The following COBL variants were observed in gnomAD, a reference collection of about 807,000 sequenced individuals.
COBL encodes protein cordon-bleu.
COBL carries 51 observed loss-of-function variants against 98.8 expected under a neutral mutation model. The observed-to-expected ratio is 0.52, with a 90% confidence interval of 0.41 to 0.65. The LOEUF is 0.65. COBL is among the 30% of genes least tolerant of loss of function. The probability of loss-of-function intolerance (pLI) is 0.00; values close to 1 mark genes in which losing one functional copy is unlikely to be tolerated. For missense variants in COBL, 1,617 were observed against 1,617.5 expected (o/e 1.00, Z 0.01); for synonymous variants, 634 against 651.7 (o/e 0.97, Z 0.41).
intron 5 of COBL, among the ~76,000 whole-genome samples, chr7:51,136,733 A>G (rs1323879354): frequency 6.6e-6 from 1 of 152,216 alleles, no homozygotes; most frequent in Non-Finnish European, 1.5e-5. Flanking sequence ...ATACATCTTC[A>G]TGAGGAAGAC....
chr7:51,083,127 C>CTG, intron 7 of COBL: 1 of 1,123,380 alleles, frequency 8.9e-7, no homozygotes, highest in Non-Finnish European at 1.2e-6. Flanking sequence ...TCCACCACGT[C>CTG]TGTGTCGGGA....
intron 1 of COBL, among the ~76,000 whole-genome samples, chr7:51,293,217 C>T (rs1331707747): frequency 6.6e-6 from 1 of 152,214 alleles, no homozygotes; most frequent in Non-Finnish European, 1.5e-5. Context: ...AAACATGAAA[C>T]ATAACATCTA....
intron 7 of COBL, among the ~76,000 whole-genome samples, chr7:51,082,350 C>T (rs923371693): frequency 2.0e-5 from 3 of 152,116 alleles, no homozygotes; most frequent in African/African-American, 7.2e-5. Flanking sequence ...GCAGGCCCGA[C>T]GTGCCCATAA....
At chr7:51,209,329 T>A (rs1316198220) in intron 2 of COBL, among the ~76,000 whole-genome samples, 1 of 152,038 alleles carries the variant, frequency 6.6e-6, no homozygotes, top group Admixed American at 6.6e-5. Context: ...CAGGAAGTGA[T>A]TAAGGAAGAG....
intron 5 of COBL, among the ~76,000 whole-genome samples, chr7:51,179,361 T>A (rs1788711502): frequency 6.6e-6 from 1 of 151,932 alleles, no homozygotes; most frequent in South Asian, 2.1e-4. Flanking sequence ...TTTAGTATTT[T>A]GTATTTTTGT....
chr7:51,035,416 C>A (rs1273259269), intron 8 of COBL: 1 of 151,280 alleles, frequency 6.6e-6, no homozygotes, highest in Non-Finnish European at 1.5e-5. Flanking sequence ...GGTAGCAATC[C>A]AATTTGCTAA....
intron 5 of COBL, among the ~76,000 whole-genome samples, chr7:51,166,784 G>A (rs1428683716): frequency 1.3e-5 from 2 of 152,144 alleles, no homozygotes; most frequent in Admixed American, 6.5e-5. Flanking sequence ...CCCTGGGGAT[G>A]CAAGGATAGT....
chr7:51,213,649 T>C (rs2129080258), intron 2 of COBL, among the ~76,000 whole-genome samples: 1 of 151,962 alleles, frequency 6.6e-6, no homozygotes, highest in East Asian at 1.9e-4. Flanking sequence ...GAGGCTGAGG[T>C]CTCTGTAAGG....
At chr7:51,194,130 G>C (rs1584125377) in intron 2 of COBL, among the ~76,000 whole-genome samples, 2 of 152,166 alleles carry the variant, frequency 1.3e-5, no homozygotes, top group Non-Finnish European at 2.9e-5. Context: ...AGAGACTCCA[G>C]TGTTTGTTGT....
At chr7:51,248,519 C>T (rs539744796) in intron 1 of COBL, among the ~76,000 whole-genome samples, 6 of 152,036 alleles carry the variant, frequency 3.9e-5, no homozygotes, top group Admixed American at 1.3e-4. Flanking sequence ...TGGTACAAGA[C>T]GGAGGATAGG....
intron 12 of COBL, among the ~76,000 whole-genome samples, chr7:51,023,746 C>T (rs778573835): frequency 6.6e-6 from 1 of 152,214 alleles, no homozygotes; most frequent in South Asian, 2.1e-4. Context: ...CTCCCTTCTC[C>T]ATTGTGCCAG....
chr7:51,314,513 C>T (rs533527204), intron 1 of COBL, among the ~76,000 whole-genome samples: 18 of 152,272 alleles, frequency 1.2e-4, no homozygotes, highest in African/African-American at 4.1e-4. Context: ...AATTAGCAAG[C>T]ATACACCTAA....
chr7:51,147,986 T>C (rs1785195820), intron 5 of COBL, among the ~76,000 whole-genome samples: 1 of 152,066 alleles, frequency 6.6e-6, no homozygotes, highest in African/African-American at 2.4e-5. Flanking sequence ...ATGGTCACGA[T>C]CTCCGGATCT....
rs115324725 is a variant in COBL, at chr7:51,248,414, C to T, written c.42-28470G>A. On this transcript the variant is annotated intron_variant, in intron 1 of 12. Coordinates refer to ENST00000265136, the MANE Select transcript of COBL (RefSeq NM_015198.5). ...GTTCCTCAAGGAGACACCAGCAAGACACTTCAGAAGACCCCAGGAACCACA... is the reference window on the plus strand; with the variant it reads ...GTTCCTCAAGGAGACACCAGCAAGATACTTCAGAAGACCCCAGGAACCACA... Among the ~76,000 whole-genome samples, 420 of 152,268 alleles carry T rather than the reference C, an allele frequency of 2.8e-3. 4 individuals are homozygous for T. The highest frequency in any genetic ancestry group is 9.0e-3 in the African/African-American group (374 of 41,538).
intron 6 of COBL, among the ~76,000 whole-genome samples, chr7:51,092,963 T>C (rs1030911306): frequency 1.3e-5 from 2 of 152,116 alleles, no homozygotes; most frequent in Non-Finnish European, 2.9e-5. Flanking sequence ...GCATGCTATA[T>C]AGTTTTCAGT....
intron 1 of COBL, among the ~76,000 whole-genome samples, chr7:51,282,567 TACA>T (rs773435359): frequency 1.3e-5 from 2 of 152,162 alleles, no homozygotes; most frequent in Admixed American, 6.5e-5. Context: ...TTGAAATAGA[TACA>T]ACAACAATGA....
At chr7:51,193,646 C>A in intron 2 of COBL, 57 bp from the exon 3 acceptor site, 1 of 1,509,414 alleles carries the variant, frequency 6.6e-7, no homozygotes, top group Admixed American at 1.8e-5. Context: ...TCTCTTTTGC[C>A]TGGCTAAATA....
chr7:51,256,965 T>C (rs1797250301), intron 1 of COBL, among the ~76,000 whole-genome samples: 2 of 152,176 alleles, frequency 1.3e-5, no homozygotes, highest in Non-Finnish European at 2.9e-5. Flanking sequence ...ATATAAAATA[T>C]ACACGAGACT....
intron 7 of COBL, chr7:51,064,867 C>A: frequency 2.6e-6 from 1 of 385,612 alleles, no homozygotes; most frequent in African/African-American, 2.0e-5. Flanking sequence ...AACACAGAGG[C>A]TGCCAGGCCT....
Sources: allele counts gnomAD v4.1 joint callset (sites outside exome capture counted in the v4.1 genomes callset), GRCh38; gene constraint gnomAD v4.1.1; transcripts MANE v1.5; gene names NCBI Gene and HGNC (gene_info 2026-07-23, HGNC 2026-07-21).